Variants in SYT1 observed in about 807,000 individuals in gnomAD.
SYT1 encodes synaptotagmin-1.
A neutral mutation model predicts 44.8 loss-of-function variants in SYT1; 8 were observed. The observed-to-expected ratio is 0.18, with a 90% CI of 0.10 to 0.32. SYT1 has a LOEUF of 0.32. SYT1 is among the 10% of genes least tolerant of loss of function. SYT1 has a pLI of 1.00. For missense variants in SYT1, 286 were observed against 509.3 expected, an observed-to-expected ratio of 0.56 and a Z score of 4.22; for synonymous variants, 154 against 188.8, an observed-to-expected ratio of 0.82 and a Z score of 1.51.
At chr12:79,051,191 A>G (rs1323778810) in intron 3 of SYT1, among the ~76,000 whole-genome samples, 4 of 151,798 alleles carry the variant, frequency 2.6e-5, no homozygotes, top group Non-Finnish European at 4.4e-5. Context: ...CCAAAACACT[A>G]GTGAAAATTT....
chr12:79,383,537 TA>T (rs145109970), intron 9 of SYT1, among the ~76,000 whole-genome samples: 18,522 of 152,208 alleles, frequency 0.12, 1,181 homozygotes, highest in Non-Finnish European at 0.14. Context: ...GTTTTTTTCC[TA>T]AAAACAAAAC....
intron 8 of SYT1, among the ~76,000 whole-genome samples, chr12:79,349,041 G>GAAAAAGAAAGAA (rs1222691539): frequency 4.8e-4 from 54 of 113,060 alleles, no homozygotes; most frequent in African/African-American, 7.4e-4. Flanking sequence ...GAAAAAGAAA[G>GAAAAAGAAAGAA]AAAGAAAGAA....
At chr12:79,237,383 A>T (rs564730917) in intron 4 of SYT1, among the ~76,000 whole-genome samples, 1 of 152,304 alleles carries the variant, frequency 6.6e-6, no homozygotes, top group African/African-American at 2.4e-5. Context: ...CAGAGGGGGA[A>T]AAAAGACAGA....
At chr12:79,272,499 C>T (rs911614225) in intron 4 of SYT1, among the ~76,000 whole-genome samples, 1 of 152,116 alleles carries the variant, frequency 6.6e-6, no homozygotes, top group Non-Finnish European at 1.5e-5. Context: ...GTATGTATTT[C>T]CCCATTTTTC....
intron 3 of SYT1, among the ~76,000 whole-genome samples, chr12:79,050,948 T>C (rs568265652): frequency 6.6e-6 from 1 of 152,126 alleles, no homozygotes; most frequent in Non-Finnish European, 1.5e-5. Context: ...TTCTAATATT[T>C]TCATTTTATA....
intron 3 of SYT1, among the ~76,000 whole-genome samples, chr12:79,189,984 C>T (rs574739931): frequency 1.1e-4 from 17 of 152,174 alleles, no homozygotes; most frequent in African/African-American, 1.9e-4. Flanking sequence ...TAAAGGGGAG[C>T]GTGTTTTCCC....
chr12:79,302,477 G>A (rs753742354), intron 8 of SYT1, among the ~76,000 whole-genome samples: 13 of 152,118 alleles, frequency 8.5e-5, no homozygotes, highest in African/African-American at 1.2e-4. Flanking sequence ...CTATTTTAGC[G>A]ACCAAATAAT....
At chr12:79,372,516 C>T (rs1883831292) in intron 9 of SYT1, among the ~76,000 whole-genome samples, 1 of 152,152 alleles carries the variant, frequency 6.6e-6, no homozygotes, top group South Asian at 2.1e-4. Context: ...AGGTCAGCAG[C>T]CTTTAGGCCC....
intron 1 of SYT1, among the ~76,000 whole-genome samples, chr12:78,873,880 T>C (rs776494619): frequency 7.9e-5 from 12 of 151,654 alleles, no homozygotes; most frequent in Non-Finnish European, 1.8e-4. Flanking sequence ...AAGAAACACA[T>C]TTGCGAGCAA....
At chr12:79,398,533 G>A (rs1268957615) in intron 9 of SYT1, among the ~76,000 whole-genome samples, 1 of 152,042 alleles carries the variant, frequency 6.6e-6, no homozygotes, top group Admixed American at 6.6e-5. Flanking sequence ...TAAAGTAAAC[G>A]TTTAACAGAA....
At position 79,014,078 on chromosome 12, in the gene SYT1, T is replaced by C. The variant is rs565702875; in HGVS notation, c.-83-33219T>C. 1.7e-3 allele frequency among the ~76,000 whole-genome samples: 248 copies of C among 144,358 alleles called. 1 individual carries two copies. The highest frequency in any genetic ancestry group is 5.9e-3 in the African/African-American group (225 of 38,458). 94.7% of individuals were successfully genotyped at this position (144,358 alleles called of 152,430 possible). On this transcript the variant is annotated intron_variant, in intron 2 of 10. Transcript: ENST00000261205. Reference sequence around the variant, plus strand: ...AGGCAAGGGTTGCAGTGAGCTGAGATTGTGCCACTGCACTCCAGCCTGGCA... The same window carrying C: ...AGGCAAGGGTTGCAGTGAGCTGAGACTGTGCCACTGCACTCCAGCCTGGCA...
rs139158227 is a variant in SYT1 at position 78,933,551 on chromosome 12, C to T, written c.-216-44248C>T. On this transcript the variant is annotated intron_variant, in intron 1 of 10. Coordinates refer to ENST00000261205, the MANE Select transcript of SYT1 (RefSeq NM_005639.3). ...TGTTTCTCAAGGTCCCATTTCTTTT[C>T]ACTCTACTTGTCAAGTTCAAGACCA... Among the ~76,000 whole-genome samples the T allele has an allele frequency of 1.9e-4, 29 of 152,172 alleles. No homozygotes were observed. The East Asian group carries it at 5.4e-3, about 28-fold the overall frequency.
At chr12:79,140,804 G>A (rs1869508925) in intron 3 of SYT1, among the ~76,000 whole-genome samples, 1 of 152,166 alleles carries the variant, frequency 6.6e-6, no homozygotes, top group Non-Finnish European at 1.5e-5. Flanking sequence ...GTTGTCTTAG[G>A]AAGAGAAGCC....
Position 79,384,729 on chromosome 12 carries a change from A to C in SYT1, c.928+31110A>C, listed in dbSNP as rs760012012. 2.0e-5 allele frequency among the ~76,000 whole-genome samples: 3 copies of C among 152,180 alleles called. No individual in the cohort carries two copies. The South Asian group carries it at 6.2e-4, about 32-fold the overall frequency. On this transcript the variant is annotated intron_variant, in intron 9 of 10. Coordinates refer to ENST00000261205, the MANE Select transcript of SYT1 (RefSeq NM_005639.3). ...TATAGTTCCATTGTTTCAAGGCTTG[A>C]ATAGAAGCATAGCAGAAAACAAGAA...
intron 9 of SYT1, among the ~76,000 whole-genome samples, chr12:79,403,396 T>C (rs932886256): frequency 7.9e-5 from 12 of 152,182 alleles, no homozygotes; most frequent in African/African-American, 2.7e-4. Flanking sequence ...AAATACTTGA[T>C]GTTCAGTCCA....
At chr12:79,019,570 T>C (rs1429612868) in intron 2 of SYT1, among the ~76,000 whole-genome samples, 1 of 152,046 alleles carries the variant, frequency 6.6e-6, no homozygotes, top group African/African-American at 2.4e-5. Flanking sequence ...ATAATCAACA[T>C]GAGAGACATT....
intron 8 of SYT1, among the ~76,000 whole-genome samples, chr12:79,305,243 A>G (rs1270125661): frequency 7.9e-5 from 12 of 152,208 alleles, no homozygotes; most frequent in Non-Finnish European, 1.5e-5. Flanking sequence ...TAAATTCCCT[A>G]GAAAAGTAAT....
At chr12:79,320,814 G>T (rs1881323635) in intron 8 of SYT1, among the ~76,000 whole-genome samples, 1 of 151,720 alleles carries the variant, frequency 6.6e-6, no homozygotes, top group Admixed American at 6.6e-5. Context: ...GTAGAGATGG[G>T]GTTTCACCAT....
intron 3 of SYT1, among the ~76,000 whole-genome samples, chr12:79,129,273 T>C (rs979130463): frequency 2.0e-5 from 3 of 152,206 alleles, no homozygotes; most frequent in African/African-American, 7.2e-5. Flanking sequence ...CACATGCTAT[T>C]AAGGTGATGC....
Sources: gnomAD v4.1 joint callset for allele counts (sites outside exome capture counted in the v4.1 genomes callset) on GRCh38, gnomAD v4.1.1 for gene constraint, MANE v1.5 for transcripts, NCBI Gene and HGNC (gene_info 2026-07-23, HGNC 2026-07-21) for gene names.